Variants in CAPZB observed in about 807,000 individuals in gnomAD.
CAPZB encodes the protein F-actin-capping protein subunit beta.
CAPZB carries 2 observed loss-of-function variants against 38.1 expected under a neutral mutation model. That is an observed-to-expected ratio of 0.05 (90% CI 0.02 to 0.17). The LOEUF (loss-of-function observed/expected upper bound fraction) is 0.17, where lower values mean the gene tolerates loss of function less well. Among genes scored for constraint, CAPZB ranks in the 10% least tolerant of loss-of-function variants. CAPZB has a pLI of 1.00. For synonymous variants in CAPZB, 107 were observed against 127.4 expected, an observed-to-expected ratio of 0.84 and a Z score of 1.08; for missense variants, 161 against 334.2, an observed-to-expected ratio of 0.48 and a Z score of 4.04.
intron 4 of CAPZB, among the ~76,000 whole-genome samples, chr1:19,360,163 T>C (rs1174802830): frequency 6.6e-6 from 1 of 152,178 alleles, no homozygotes; most frequent in Non-Finnish European, 1.5e-5. Context: ...TCCTGGATTC[T>C]TGCAAGTTAA....
intron 1 of CAPZB, among the ~76,000 whole-genome samples, chr1:19,450,168 AAG>A (rs1558273137): frequency 4.3e-5 from 5 of 116,866 alleles, no homozygotes; most frequent in African/African-American, 1.7e-4. Flanking sequence ...AAAAAAAAAA[AAG>A]AAAAGAAAAG....
intron 4 of CAPZB, among the ~76,000 whole-genome samples, chr1:19,376,397 C>A (rs937870882): frequency 6.6e-4 from 101 of 152,318 alleles, no homozygotes; most frequent in African/African-American, 2.3e-3. Context: ...AAGAAGCTTA[C>A]ATATAAAAGG....
intron 1 of CAPZB, among the ~76,000 whole-genome samples, chr1:19,440,736 C>A (rs2094473178): frequency 6.6e-6 from 1 of 152,176 alleles, no homozygotes; most frequent in Non-Finnish European, 1.5e-5. Context: ...TGAAGACAGA[C>A]TATTACAGTA....
At chr1:19,343,914 C>CT (rs1458777135) in intron 8 of CAPZB, among the ~76,000 whole-genome samples, 1 of 152,198 alleles carries the variant, frequency 6.6e-6, no homozygotes, top group African/African-American at 2.4e-5. Context: ...GGCTGGGGGC[C>CT]TGAGAAGGCC....
chr1:19,421,347 T>A (rs1184521262), intron 1 of CAPZB, among the ~76,000 whole-genome samples: 3 of 152,106 alleles, frequency 2.0e-5, no homozygotes, highest in Admixed American at 6.5e-5. Context: ...TTCATTTTTT[T>A]AAAAAAAGAT....
At chr1:19,478,628 C>T (rs1397771493) in intron 1 of CAPZB, among the ~76,000 whole-genome samples, 2 of 152,196 alleles carry the variant, frequency 1.3e-5, no homozygotes, top group Non-Finnish European at 2.9e-5. Context: ...TGGACTTCCC[C>T]AGGCTGGTTC....
At chr1:19,348,409 G>C (rs529688170) in intron 6 of CAPZB, among the ~76,000 whole-genome samples, 1 of 152,118 alleles carries the variant, frequency 6.6e-6, no homozygotes, top group African/African-American at 2.4e-5. Context: ...TAAAAGCCTT[G>C]AATGAGTTAG....
chr1:19,377,213 G>A (rs997097531), intron 4 of CAPZB, among the ~76,000 whole-genome samples: 4 of 152,234 alleles, frequency 2.6e-5, no homozygotes, highest in African/African-American at 9.6e-5. Context: ...CAGCTTTTCA[G>A]TATCACTGGG....
At chr1:19,375,173 G>A (rs959712273) in intron 4 of CAPZB, among the ~76,000 whole-genome samples, 2 of 152,108 alleles carry the variant, frequency 1.3e-5, no homozygotes, top group Admixed American at 6.5e-5. Context: ...GTACCAAGAT[G>A]TTTTTAAAAA....
At chr1:19,437,162 C>T (rs186216029) in intron 1 of CAPZB, among the ~76,000 whole-genome samples, 1 of 152,180 alleles carries the variant, frequency 6.6e-6, no homozygotes. Context: ...CTCATCCAGA[C>T]AAATAAATCT....
At chr1:19,377,220 T>C (rs1273091914) in intron 4 of CAPZB, among the ~76,000 whole-genome samples, 2 of 152,238 alleles carry the variant, frequency 1.3e-5, no homozygotes, top group Non-Finnish European at 1.5e-5. Context: ...TCAGTATCAC[T>C]GGGGAAGGAA....
chr1:19,466,398 C>G (rs536322288), intron 1 of CAPZB, among the ~76,000 whole-genome samples: 192 of 152,322 alleles, frequency 1.3e-3, no homozygotes, highest in African/African-American at 4.5e-3. Context: ...ACAAAATGTT[C>G]CTGAGCTGCA....
chr1:19,366,305 T>TATATATATATATATATATAA (rs1396564571), intron 4 of CAPZB, among the ~76,000 whole-genome samples: 5 of 97,598 alleles, frequency 5.1e-5, no homozygotes, highest in Middle Eastern at 4.5e-3. Flanking sequence ...TATATATATA[T>TATATATATATATATATATAA]ATATAAATAA....
At chr1:19,367,359 G>C (rs2094094914) in intron 4 of CAPZB, among the ~76,000 whole-genome samples, 1 of 152,234 alleles carries the variant, frequency 6.6e-6, no homozygotes, top group Admixed American at 6.5e-5. Flanking sequence ...GTTTTCATCA[G>C]GCTCTTACTT....
Position 19,457,112 on chromosome 1 carries a change from C to T in CAPZB, c.3+28324G>A, listed in dbSNP as rs1469751948. ...CCCAAGTCTTGTTGGAACTAAAGCA[C>T]AGCGGGAAAAGCGAGCAAACCAAAG... On this transcript the variant is annotated intron_variant, in intron 1 of 8. Coordinates refer to ENST00000264202, the MANE Select transcript of CAPZB (RefSeq NM_004930.5). Among the ~76,000 whole-genome samples, 3 of 152,210 alleles carry T rather than the reference C, an allele frequency of 2.0e-5. No homozygotes were observed. In the East Asian group the frequency reaches 5.8e-4, roughly 29 times the overall value.
Position 19,344,129 on chromosome 1 carries a change from G to A in CAPZB, c.731+229C>T, listed in dbSNP as rs997914294. 5.2e-4 allele frequency among the ~76,000 whole-genome samples: 79 copies of A among 152,186 alleles called. No individual in the cohort carries two copies. Among genetic ancestry groups the A allele is most frequent in the African/African-American group, 1.9e-3 (78 of 41,444 alleles). On this transcript the variant is annotated intron_variant, in intron 8 of 8. Transcript: ENST00000264202. The stretch of plus-strand genomic sequence containing the variant: ...CACCAATGGCTGTTAGGGTGAACAT[G>A]CCCCAGAAAACAAATGGTGCAGATA...
intron 1 of CAPZB, chr1:19,449,289 T>C (rs903261284): frequency 3.0e-5 from 32 of 1,049,966 alleles, no homozygotes; most frequent in Non-Finnish European, 3.6e-5. Context: ...GAAGAGGAAA[T>C]GCACTGGCCT....
At chr1:19,345,318 A>G in intron 6 of CAPZB, 66 bp from the exon 7 acceptor site, 1 of 1,279,208 alleles carries the variant, frequency 7.8e-7, no homozygotes, top group Non-Finnish European at 1.1e-6. Flanking sequence ...CAGACAGCCC[A>G]CCCCACCTCC....
chr1:19,472,579 G>A (rs2094592813), intron 1 of CAPZB, among the ~76,000 whole-genome samples: 1 of 152,142 alleles, frequency 6.6e-6, no homozygotes, highest in South Asian at 2.1e-4. Context: ...AGGGAAGTGA[G>A]GGGCAGGACT....
Sources: gnomAD v4.1 joint callset for allele counts (sites outside exome capture counted in the v4.1 genomes callset) on GRCh38, gnomAD v4.1.1 for gene constraint, MANE v1.5 for transcripts, NCBI Gene and HGNC (gene_info 2026-07-23, HGNC 2026-07-21) for gene names.